Variants in METTL25 observed in about 807,000 individuals in gnomAD.
METTL25 encodes the protein methyltransferase like 25.
METTL25 carries 64 observed loss-of-function variants against 71.6 expected under a neutral mutation model. The observed-to-expected ratio is 0.89, with a 90% CI of 0.73 to 1.10. METTL25 has a LOEUF of 1.10. Ranked by LOEUF, METTL25 falls within the 50% of genes least tolerant of loss-of-function variation. The pLI, the probability that METTL25 is intolerant of heterozygous loss-of-function variation, is 0.00. For missense variants in METTL25, 807 were observed against 707.0 expected, an observed-to-expected ratio of 1.14 and a Z score of -1.60; for synonymous variants, 287 against 250.3, an observed-to-expected ratio of 1.15 and a Z score of -1.38.
At chr12:82,414,314 C>T (rs1213058275) in intron 5 of METTL25, among the ~76,000 whole-genome samples, 2 of 152,202 alleles carry the variant, frequency 1.3e-5, no homozygotes, top group African/African-American at 2.4e-5. Flanking sequence ...CAATTTACCT[C>T]ACTCTGACAG....
chr12:82,476,345 C>T, intron 9 of METTL25: 1 of 263,174 alleles, frequency 3.8e-6, no homozygotes. Context: ...TCCTGTGTGT[C>T]CAAAGCATAA....
At chr12:82,427,297 A>T (rs1018453806) in intron 5 of METTL25, among the ~76,000 whole-genome samples, 3 of 151,948 alleles carry the variant, frequency 2.0e-5, no homozygotes, top group South Asian at 2.1e-4. Context: ...TTGTGTAAGA[A>T]GTCACCCCAA....
intron 1 of METTL25, among the ~76,000 whole-genome samples, chr12:82,378,463 T>A (rs1218083529): frequency 6.6e-6 from 1 of 152,180 alleles, no homozygotes; most frequent in Non-Finnish European, 1.5e-5. Flanking sequence ...ACTTCTTCCT[T>A]TTACTTGGCA....
At chr12:82,372,807 G>A (rs976109408) in intron 1 of METTL25, among the ~76,000 whole-genome samples, 1 of 152,116 alleles carries the variant, frequency 6.6e-6, no homozygotes, top group African/African-American at 2.4e-5. Flanking sequence ...CCCTGCCCAA[G>A]AACCCACAAG....
intron 5 of METTL25, among the ~76,000 whole-genome samples, chr12:82,419,043 G>T (rs1452387312): frequency 6.6e-6 from 1 of 152,106 alleles, no homozygotes; most frequent in Non-Finnish European, 1.5e-5. Flanking sequence ...TTAGAAAGAC[G>T]TTTGGCTTAA....
At chr12:82,429,987 C>T (rs1889357115) in intron 5 of METTL25, among the ~76,000 whole-genome samples, 1 of 151,384 alleles carries the variant, frequency 6.6e-6, no homozygotes, top group South Asian at 2.1e-4. Flanking sequence ...CATCTGATCC[C>T]TCATGGTACA....
chr12:82,432,539 G>A (rs1026958124), intron 6 of METTL25, among the ~76,000 whole-genome samples: 2 of 151,642 alleles, frequency 1.3e-5, no homozygotes, highest in East Asian at 3.9e-4. Flanking sequence ...AAAGACAAAA[G>A]AATAGATTGT....
intron 3 of METTL25, among the ~76,000 whole-genome samples, chr12:82,390,609 C>A (rs1038336538): frequency 1.3e-5 from 2 of 151,992 alleles, no homozygotes; most frequent in African/African-American, 4.8e-5. Context: ...GTATTAGAAT[C>A]TTTCCATGGA....
chr12:82,398,683 TTAAAA>T, intron 3 of METTL25, 107 bp from the exon 4 acceptor site: 1 of 612,860 alleles, frequency 1.6e-6, no homozygotes, highest in Non-Finnish European at 2.4e-6. Context: ...TAAAAAAAAA[TTAAAA>T]TAATATTTAA....
chr12:82,435,481 C>G (rs1214163019), intron 7 of METTL25, among the ~76,000 whole-genome samples: 1 of 151,276 alleles, frequency 6.6e-6, no homozygotes, highest in East Asian at 1.9e-4. Context: ...ATACACTGTG[C>G]CTATCTTAAA....
At chr12:82,422,267 C>T (rs933657506) in intron 5 of METTL25, among the ~76,000 whole-genome samples, 13 of 152,186 alleles carry the variant, frequency 8.5e-5, no homozygotes, top group South Asian at 4.1e-4. Flanking sequence ...AAACGTAATC[C>T]GGCATATAAA....
At chr12:82,363,488 C>G (rs1882193343) in intron 1 of METTL25, among the ~76,000 whole-genome samples, 1 of 152,132 alleles carries the variant, frequency 6.6e-6, no homozygotes, top group South Asian at 2.1e-4. Context: ...AAATCTTTAT[C>G]TGACTGCTAA....
At chr12:82,433,533 A>G (rs1889684357) in intron 6 of METTL25, among the ~76,000 whole-genome samples, 1 of 151,626 alleles carries the variant, frequency 6.6e-6, no homozygotes, top group Admixed American at 6.6e-5. Flanking sequence ...GTTTTCATGC[A>G]ATGAACTCTT....
At chr12:82,417,950 G>A (rs1888133067) in intron 5 of METTL25, among the ~76,000 whole-genome samples, 1 of 152,084 alleles carries the variant, frequency 6.6e-6, no homozygotes, top group African/African-American at 2.4e-5. Flanking sequence ...AAAACCCAAA[G>A]GCAGGAACCT....
chr12:82,478,846 T>G, intron 11 of METTL25, 86 bp from the exon 12 acceptor site: 1 of 1,015,942 alleles, frequency 9.8e-7, no homozygotes, highest in Non-Finnish European at 1.4e-6. Flanking sequence ...TTATGTATTT[T>G]TTATATTACA....
intron 9 of METTL25, 59 bp downstream of exon 9, chr12:82,456,879 G>T: frequency 1.3e-6 from 1 of 753,386 alleles, no homozygotes; most frequent in Non-Finnish European, 2.0e-6. Context: ...ATTTTGTAAT[G>T]AATTGAGAGA....
intron 9 of METTL25, chr12:82,476,303 GTTTAA>G (rs1892874963): frequency 5.1e-6 from 1 of 196,960 alleles, no homozygotes; most frequent in Non-Finnish European, 1.0e-5. Context: ...GTGTTGTAAA[GTTTAA>G]TTTTAGTCAA....
chr12:82,367,178 T>G (rs1882663334), intron 1 of METTL25, among the ~76,000 whole-genome samples: 1 of 152,232 alleles, frequency 6.6e-6, no homozygotes, highest in Non-Finnish European at 1.5e-5. Context: ...TCCTTTCATC[T>G]GTTGCATTTT....
chr12:82,378,797 G>A (rs1884143844), intron 1 of METTL25, among the ~76,000 whole-genome samples: 4 of 152,138 alleles, frequency 2.6e-5, no homozygotes, highest in Admixed American at 2.6e-4. Context: ...AAGGGCTGAG[G>A]TGGGGGGATT....
Sources: allele counts gnomAD v4.1 joint callset (sites outside exome capture counted in the v4.1 genomes callset), GRCh38; gene constraint gnomAD v4.1.1; transcripts MANE v1.5; gene names NCBI Gene and HGNC (gene_info 2026-07-23, HGNC 2026-07-21).